Variants in KDM7A observed in about 807,000 individuals in gnomAD.
The protein encoded by KDM7A is lysine-specific demethylase 7A.
KDM7A carries 28 observed loss-of-function variants against 114.8 expected under a neutral mutation model. The ratio of observed to expected loss-of-function variants is 0.24; its 90% CI spans 0.18 to 0.33. The LOEUF (loss-of-function observed/expected upper bound fraction) is 0.33, where lower values mean the gene tolerates loss of function less well. Ranked by LOEUF, KDM7A falls within the 10% of genes least tolerant of loss-of-function variation. The probability of loss-of-function intolerance (pLI) is 1.00; values close to 1 mark genes in which losing one functional copy is unlikely to be tolerated. For missense variants in KDM7A, 942 were observed against 1,142.5 expected, an observed-to-expected ratio of 0.82 and a Z score of 2.53; for synonymous variants, 423 against 397.8, an observed-to-expected ratio of 1.06 and a Z score of -0.75.
intron 1 of KDM7A, among the ~76,000 whole-genome samples, chr7:140,152,775 T>TA (rs112599869): frequency 2.0e-4 from 30 of 152,298 alleles, no homozygotes; most frequent in African/African-American, 7.2e-4. Flanking sequence ...GTAAAGTACA[T>TA]AAAGTGTAAG....
chr7:140,156,028 A>G (rs1259044038), intron 1 of KDM7A, among the ~76,000 whole-genome samples: 1 of 152,244 alleles, frequency 6.6e-6, no homozygotes, highest in Non-Finnish European at 1.5e-5. Context: ...TGAAATGTTA[A>G]CACTTCGTTG....
rs1231441509 is a variant in KDM7A, at chr7:140,096,769, G to A, written c.2166-6C>T. On this transcript the variant is annotated splice_region_variant and splice_polypyrimidine_tract_variant and intron_variant, in intron 16 of 19. Coordinates refer to ENST00000397560, the MANE Select transcript of KDM7A (RefSeq NM_030647.2). ...TCGTCGAGGTAGGACATTCCCTAAAGAAGAGATGATCCAAAAACACAAGAG... is the reference window on the plus strand; with the variant it reads ...TCGTCGAGGTAGGACATTCCCTAAAAAAGAGATGATCCAAAAACACAAGAG... 1 of 1,611,368 alleles carries A rather than the reference G, an allele frequency of 6.2e-7. No homozygotes were observed. Among genetic ancestry groups the A allele is most frequent in the Non-Finnish European group, 8.5e-7 (1 of 1,178,684 alleles).
In KDM7A at chr7:140,088,951, TA is replaced by T. The variant is rs1817977180; in HGVS notation, c.*2142del. 6.5e-6 allele frequency: 1 copy of T among 152,704 alleles called. No homozygotes were observed. The highest frequency in any genetic ancestry group is 6.5e-5 in the Admixed American group (1 of 15,268). 9.5% of individuals were successfully genotyped at this position (152,704 alleles called of 1,614,324 possible). On this transcript the variant is annotated 3_prime_UTR_variant, in exon 20 of 20. Transcript: ENST00000397560. The stretch of plus-strand genomic sequence containing the variant: ...AAATACTCAAGAGCTGTGAAAAACG[TA>T]AAGGAAAAAAGAAAACCCAGATCAT...
intron 1 of KDM7A, among the ~76,000 whole-genome samples, chr7:140,152,607 G>C (rs1794412989): frequency 6.8e-6 from 1 of 147,466 alleles, no homozygotes; most frequent in Non-Finnish European, 1.5e-5. Flanking sequence ...GCCTGGGCGA[G>C]AGTGAGACTC....
chr7:140,145,964 G>A (rs961546172), intron 1 of KDM7A, among the ~76,000 whole-genome samples: 4 of 152,194 alleles, frequency 2.6e-5, no homozygotes, highest in African/African-American at 9.7e-5. Flanking sequence ...GGCTGAACAT[G>A]ACTATTAATC....
At chr7:140,156,282 GCA>G (rs1309163202) in intron 1 of KDM7A, among the ~76,000 whole-genome samples, 1 of 152,162 alleles carries the variant, frequency 6.6e-6, no homozygotes, top group African/African-American at 2.4e-5. Flanking sequence ...AATACATTTT[GCA>G]CACAGACATA....
intron 3 of KDM7A, among the ~76,000 whole-genome samples, chr7:140,130,383 G>A (rs1392236237): frequency 6.6e-6 from 1 of 152,136 alleles, no homozygotes; most frequent in African/African-American, 2.4e-5. Flanking sequence ...CACTTTGGGA[G>A]GCTGAGGTGA....
At chr7:140,134,381 G>A (rs1172151933) in intron 2 of KDM7A, among the ~76,000 whole-genome samples, 2 of 152,096 alleles carry the variant, frequency 1.3e-5, no homozygotes, top group Non-Finnish European at 2.9e-5. Context: ...ATTCCTCAAT[G>A]TAGGAATGAA....
intron 1 of KDM7A, among the ~76,000 whole-genome samples, chr7:140,153,734 T>C (rs1001689261): frequency 6.6e-6 from 1 of 152,252 alleles, no homozygotes; most frequent in African/African-American, 2.4e-5. Flanking sequence ...TCTGGCTGCC[T>C]GTCTAGAGTT....
intron 1 of KDM7A, among the ~76,000 whole-genome samples, chr7:140,167,488 A>G (rs1794591688): frequency 6.6e-6 from 1 of 152,182 alleles, no homozygotes; most frequent in Admixed American, 6.5e-5. Flanking sequence ...TTATATATAA[A>G]TATGTTTTGG....
intron 1 of KDM7A, among the ~76,000 whole-genome samples, chr7:140,173,354 A>G (rs1177431088): frequency 6.6e-6 from 1 of 152,178 alleles, no homozygotes; most frequent in African/African-American, 2.4e-5. Flanking sequence ...GTATGCAGCT[A>G]AAGTTTGACA....
chr7:140,099,359 A>T (rs1031373355), intron 13 of KDM7A, among the ~76,000 whole-genome samples: 4 of 151,892 alleles, frequency 2.6e-5, no homozygotes, highest in African/African-American at 9.7e-5. Context: ...ACACCCAGCT[A>T]ATTTATTTTT....
At chr7:140,105,291 G>T (rs1290001835) in intron 11 of KDM7A, among the ~76,000 whole-genome samples, 2 of 152,100 alleles carry the variant, frequency 1.3e-5, no homozygotes, top group Admixed American at 1.3e-4. Flanking sequence ...TCTTTCTCCT[G>T]CCTGATTGCC....
chr7:140,142,189 A>G (rs1483923619), intron 1 of KDM7A, among the ~76,000 whole-genome samples: 2 of 151,128 alleles, frequency 1.3e-5, no homozygotes, highest in African/African-American at 4.8e-5. Flanking sequence ...GTTGTATAAC[A>G]TAATATAGAA....
intron 19 of KDM7A, 77 bp from the exon 20 acceptor site, chr7:140,091,265 G>C (rs1332425079): frequency 2.0e-6 from 2 of 989,150 alleles, no homozygotes; most frequent in African/African-American, 3.2e-5. Context: ...TACGGGGAGA[G>C]CTTTCTTTAT....
chr7:140,102,274 T>C, intron 11 of KDM7A, 114 bp from the exon 12 acceptor site: 1 of 767,356 alleles, frequency 1.3e-6, no homozygotes, highest in Non-Finnish European at 2.1e-6. Flanking sequence ...TTTAACCATA[T>C]AAACACAAAA....
intron 11 of KDM7A, among the ~76,000 whole-genome samples, chr7:140,103,185 G>C (rs1818261575): frequency 6.6e-6 from 1 of 152,058 alleles, no homozygotes; most frequent in South Asian, 2.1e-4. Flanking sequence ...CTATGAATTT[G>C]ACACTTCTAG....
chr7:140,119,072 TA>T (rs1251309630), intron 9 of KDM7A, 40 bp downstream of exon 9: 13 of 1,156,178 alleles, frequency 1.1e-5, no homozygotes, highest in Non-Finnish European at 1.7e-5. Flanking sequence ...TTACAAACAA[TA>T]TGCATCATAT....
At chr7:140,109,187 GAA>G (rs1818392675) in intron 11 of KDM7A, among the ~76,000 whole-genome samples, 1 of 152,218 alleles carries the variant, frequency 6.6e-6, no homozygotes, top group South Asian at 2.1e-4. Context: ...CCTTAGCTAG[GAA>G]AGGGAACTCC....
Sources: allele counts gnomAD v4.1 joint callset (sites outside exome capture counted in the v4.1 genomes callset), GRCh38; gene constraint gnomAD v4.1.1; transcripts MANE v1.5; gene names NCBI Gene and HGNC (gene_info 2026-07-23, HGNC 2026-07-21).